The following FBXO34 variants were observed in gnomAD, a reference collection of about 807,000 sequenced individuals.
FBXO34 encodes the protein F-box protein 34, also known as F-box only protein 34.
Under a neutral mutation model 24.5 loss-of-function variants are expected in FBXO34, and 12 were observed. That is an observed-to-expected ratio of 0.49 (90% CI 0.31 to 0.79). The LOEUF is 0.79. Among genes scored for constraint, FBXO34 ranks in the 30% least tolerant of loss-of-function variants. The pLI is 0.04. For missense variants in FBXO34, 823 were observed against 857.7 expected, an observed-to-expected ratio of 0.96 and a Z score of 0.51; for synonymous variants, 320 against 311.9, an observed-to-expected ratio of 1.03 and a Z score of -0.27.
chr14:55,364,284 G>C (rs1884632784), downstream of FBXO34, among the ~76,000 whole-genome samples: 1 of 152,064 alleles, frequency 6.6e-6, no homozygotes, highest in Non-Finnish European at 1.5e-5. Context: ...TTCATTCAAA[G>C]GCTCCTTTAG....
downstream of FBXO34, among the ~76,000 whole-genome samples, chr14:55,374,670 GT>G (rs1258048347): frequency 6.6e-6 from 1 of 151,960 alleles, no homozygotes; most frequent in African/African-American, 2.4e-5. Flanking sequence ...TTTAAATAAG[GT>G]TTTTTATATC....
At chr14:55,427,480 T>A in the FBXO34 span, among the ~76,000 whole-genome samples, 1 of 152,202 alleles carries the variant, frequency 6.6e-6, no homozygotes, top group Non-Finnish European at 1.5e-5. Context: ...ATATGATCCC[T>A]ATCTACTCTA....
the FBXO34 span, chr14:55,380,658 T>C: frequency 6.2e-7 from 1 of 1,609,672 alleles, no homozygotes; most frequent in South Asian, 1.1e-5. Flanking sequence ...AGCGCAGCAC[T>C]GATGGTGTAG....
At chr14:55,310,287 T>G (rs758564283) in intron 1 of FBXO34, among the ~76,000 whole-genome samples, 37 of 152,358 alleles carry the variant, frequency 2.4e-4, no homozygotes, top group Middle Eastern at 3.4e-3. Flanking sequence ...ATGTTTGTTC[T>G]CTGTGCAAAT....
At chr14:55,293,504 G>A (rs1566543259) in intron 1 of FBXO34, among the ~76,000 whole-genome samples, 5 of 152,140 alleles carry the variant, frequency 3.3e-5, no homozygotes, top group African/African-American at 4.8e-5. Context: ...AACTTTGTAA[G>A]GGCCTGATAT....
rs112164213 is a variant in FBXO34 at position 55,350,334 on chromosome 14, A to G, written c.-10-47A>G. On this transcript the variant is annotated intron_variant, in intron 1 of 1. Coordinates refer to ENST00000313833, the MANE Select transcript of FBXO34 (RefSeq NM_017943.4). ...CTTAAATTTAAAAACATTTTTTTCT[A>G]AAAACAAAATTGGTTTCTGAATCAA... 1.5e-5 allele frequency: 21 copies of G among 1,400,918 alleles called. 2 individuals are homozygous for G. The African/African-American group carries it at 2.2e-4, about 14-fold the overall frequency. The allele number at this position is 1,400,918 out of a possible 1,614,324, so 86.8% of individuals were successfully genotyped here.
chr14:55,309,278 GAC>G (rs142708825), intron 1 of FBXO34, among the ~76,000 whole-genome samples: 99 of 152,130 alleles, frequency 6.5e-4, no homozygotes, highest in African/African-American at 2.1e-3. Flanking sequence ...AAACTTTTTG[GAC>G]ACTGCTGGTT....
chr14:55,417,105 G>A, the FBXO34 span, among the ~76,000 whole-genome samples: 1 of 152,110 alleles, frequency 6.6e-6, no homozygotes, highest in Non-Finnish European at 1.5e-5. Context: ...ATAGAGAAAC[G>A]ATTTTAGACA....
At chr14:55,326,883 T>C (rs1399795653) in intron 1 of FBXO34, among the ~76,000 whole-genome samples, 1 of 152,160 alleles carries the variant, frequency 6.6e-6, no homozygotes, top group Non-Finnish European at 1.5e-5. Context: ...AAACAGCTGG[T>C]ATAATTTTTA....
At position 55,319,824 on chromosome 14, in the gene FBXO34, C is replaced by T. The variant is rs1057102390; in HGVS notation, c.-10-30557C>T. Among the ~76,000 whole-genome samples the T allele has an allele frequency of 6.6e-5, 10 of 152,166 alleles. No homozygotes were observed. The East Asian group carries it at 7.7e-4, about 12-fold the overall frequency. The stretch of plus-strand genomic sequence containing the variant: ...CCAAGTAGCTGGGACTATGGGTGCC[C>T]GCCACCACGCCCAGCTAATTTTTTG... On this transcript the variant is annotated intron_variant, in intron 1 of 1. Transcript: ENST00000313833.
At chr14:55,379,253 T>C in the FBXO34 span, among the ~76,000 whole-genome samples, 11 of 152,068 alleles carry the variant, frequency 7.2e-5, no homozygotes, top group Non-Finnish European at 1.5e-4. Context: ...GGGAAGATGA[T>C]GGCCGGGTGC....
the FBXO34 span, among the ~76,000 whole-genome samples, chr14:55,416,684 G>A: frequency 4.1e-4 from 62 of 152,274 alleles, no homozygotes; most frequent in Admixed American, 7.2e-4. Flanking sequence ...CAGTGAGTTG[G>A]TGAAGAAGCA....
At chr14:55,369,758 G>A, downstream of FBXO34, 3 of 1,614,198 alleles carry the variant, frequency 1.9e-6, no homozygotes, top group Non-Finnish European at 2.5e-6. Flanking sequence ...AGACTGGGAA[G>A]GGATATCACA....
chr14:55,380,867 ATATATATAT>A, the FBXO34 span, among the ~76,000 whole-genome samples: 2 of 95,002 alleles, frequency 2.1e-5, no homozygotes, highest in South Asian at 3.1e-4. Context: ...ATATATATAT[ATATATATAT>A]TTTTTTTTTT....
the FBXO34 span, chr14:55,386,073 T>C: frequency 2.5e-6 from 4 of 1,611,044 alleles, no homozygotes; most frequent in Middle Eastern, 5.0e-4. Context: ...TTCTTTTCCT[T>C]GGTTTTGAGA....
chr14:55,370,308 C>A (rs1884784754), downstream of FBXO34, among the ~76,000 whole-genome samples: 1 of 152,106 alleles, frequency 6.6e-6, no homozygotes, highest in South Asian at 2.1e-4. Flanking sequence ...TAACAAAAAG[C>A]CACTTGATGT....
downstream of FBXO34, among the ~76,000 whole-genome samples, chr14:55,373,786 G>GT (rs1412490104): frequency 1.4e-5 from 2 of 146,278 alleles, no homozygotes; most frequent in African/African-American, 5.1e-5. Flanking sequence ...TAATTTTTCT[G>GT]TAAGTTTAAA....
At chr14:55,336,773 A>G (rs1163466439) in intron 1 of FBXO34, among the ~76,000 whole-genome samples, 19 of 151,816 alleles carry the variant, frequency 1.3e-4, no homozygotes, top group Non-Finnish European at 2.4e-4. Flanking sequence ...TATCTGTAAG[A>G]GATGAGGACT....
chr14:55,440,901 G>A, the FBXO34 span, among the ~76,000 whole-genome samples: 5 of 152,120 alleles, frequency 3.3e-5, no homozygotes, highest in Non-Finnish European at 2.9e-5. Flanking sequence ...CCACTCTTTC[G>A]CCCAGTGCCA....
Sources: gnomAD v4.1 joint callset for allele counts (sites outside exome capture counted in the v4.1 genomes callset) on GRCh38, gnomAD v4.1.1 for gene constraint, MANE v1.5 for transcripts, NCBI Gene and HGNC (gene_info 2026-07-23, HGNC 2026-07-21) for gene names.